Variants in NIBAN2 observed in about 807,000 individuals in gnomAD.
NIBAN2 encodes niban apoptosis regulator 2.
In NIBAN2, 36 loss-of-function variants were observed where a neutral mutation model predicts 81.8. That is an observed-to-expected ratio of 0.44 (90% confidence interval 0.34 to 0.58). NIBAN2 has a LOEUF of 0.58. NIBAN2 is among the 20% of genes least tolerant of loss of function. NIBAN2 has a pLI of 0.02. For missense variants in NIBAN2, 897 were observed against 1,014.1 expected, an observed-to-expected ratio of 0.88 and a Z score of 1.57; for synonymous variants, 445 against 441.6, an observed-to-expected ratio of 1.01 and a Z score of -0.10.
intron 1 of NIBAN2, among the ~76,000 whole-genome samples, chr9:127,546,819 T>C (rs1837479871): frequency 6.6e-6 from 1 of 151,892 alleles, no homozygotes; most frequent in Admixed American, 6.6e-5. Context: ...GGGAGGCAGA[T>C]TGTCAACAAA....
intron 3 of NIBAN2, among the ~76,000 whole-genome samples, chr9:127,526,266 G>A (rs1837060804): frequency 6.6e-6 from 1 of 151,966 alleles, no homozygotes. Context: ...TGGGAATGGT[G>A]GTGCACGCCT....
rs763502481 is a variant in NIBAN2 at position 127,508,216 on chromosome 9, G to A, written c.1435-16C>T. ...AGTCGTATTTCTGCAGGGAACAAGG[G>A]GGTCGGGGGTCTGCAGGTCAGTGGG... On this transcript the variant is annotated splice_polypyrimidine_tract_variant and intron_variant, in intron 11 of 13. Transcript: ENST00000373312. The surrounding 1 kb of genome is among the most constrained non-coding windows in gnomAD (Gnocchi z 6.4). The A allele has an allele frequency of 2.5e-6, 4 of 1,601,052 alleles. No homozygotes were observed. Among genetic ancestry groups the A allele is most frequent in the Non-Finnish European group, 3.4e-6 (4 of 1,169,382 alleles).
chr9:127,520,043 C>G lies in NIBAN2; in HGVS notation c.590-2102G>C, dbSNP rs541742188. 2.1e-3 allele frequency among the ~76,000 whole-genome samples: 317 copies of G among 152,246 alleles called. 3 individuals are homozygous for G. Among genetic ancestry groups the G allele is most frequent in the African/African-American group, 7.3e-3 (302 of 41,558 alleles). On this transcript the variant is annotated intron_variant, in intron 5 of 13. Transcript: ENST00000373312. ...CGGGAGGGAGGCCAGCCAGCCTTGA[C>G]CCTTGGGATTCTCTCTTTCTGCACA...
rs1293761085 is a variant in NIBAN2, at chr9:127,525,077, G to A, written c.402C>T (p.Leu134=). 3 of 1,613,798 alleles carry A rather than the reference G, an allele frequency of 1.9e-6. No individual in the cohort carries two copies. The highest frequency in any genetic ancestry group is 2.7e-5 in the African/African-American group (2 of 74,932). Residue 134 remains leucine, a synonymous_variant, in exon 4 of 14, where the codon CTC becomes CTT. Coordinates refer to ENST00000373312, the MANE Select transcript of NIBAN2 (RefSeq NM_022833.4). ...CTTTACCTGGTAAGGAGTTGCCAAT[G>A]AGCTCCAGGTATTGGTCCACGGACG... ...ILTSVDQYLE[L]IGNSLPGTTA...
chr9:127,507,015 A>C lies in NIBAN2; in HGVS notation c.2071T>G (p.Ser691Ala). The change falls in exon 14 of 14, where the codon TCC (serine) becomes GCC (alanine). Residue 691 changes from serine to alanine, a missense_variant. Physicochemically the swap from Ser to Ala is moderately conservative, Grantham distance 99. Around this residue, in one of 3 missense-constraint regions of NIBAN2, gnomAD observed 619 missense variants for 691.0 expected, o/e 0.90. Transcript: ENST00000373312. The surrounding 1 kb of genome is among the most constrained non-coding windows in gnomAD (Gnocchi z 6.8). ...TGGAGGGGTGAGGCAGGCGGCGAGGAGGCCTCGGGGGCGGCCTTAGGCTGG... is the reference window on the plus strand; with the variant it reads ...TGGAGGGGTGAGGCAGGCGGCGAGGCGGCCTCGGGGGCGGCCTTAGGCTGG... The part of the protein sequence containing the change: ...SPQPKAAPEA[S>A]SPPASPLQHL... 6.3e-7 allele frequency: 1 copy of C among 1,592,934 alleles called. No homozygotes were observed. The highest frequency in any genetic ancestry group is 8.6e-7 in the Non-Finnish European group (1 of 1,168,654).
At chr9:127,542,782 G>A (rs924653693) in intron 1 of NIBAN2, among the ~76,000 whole-genome samples, 7 of 152,252 alleles carry the variant, frequency 4.6e-5, no homozygotes, top group Admixed American at 3.3e-4. Context: ...GAGTGCAGTG[G>A]CACGATCTTG....
At chr9:127,551,905 C>G (rs1837583727) in intron 1 of NIBAN2, among the ~76,000 whole-genome samples, 1 of 152,130 alleles carries the variant, frequency 6.6e-6, no homozygotes, top group East Asian at 1.9e-4. Context: ...CCTCCTGTAT[C>G]CTTTGTGGCT....
At chr9:127,523,169 TA>T (rs1159040869) in intron 5 of NIBAN2, among the ~76,000 whole-genome samples, 63 of 11,322 alleles carry the variant, frequency 5.6e-3, no homozygotes, top group African/African-American at 9.8e-3. Context: ...TTGGTGGTTT[TA>T]AAAAAAAAAA....
chr9:127,573,537 C>T (rs764732467), upstream of NIBAN2, among the ~76,000 whole-genome samples: 15 of 151,412 alleles, frequency 9.9e-5, no homozygotes, highest in Non-Finnish European at 1.5e-4. Context: ...AATTTCTCAA[C>T]TCTAAAATGC....
At position 127,506,677 on chromosome 9, in the gene NIBAN2, T is replaced by C. The variant is rs1836601863; in HGVS notation, c.*168A>G. ...AAACAGGGAGCAAGAAAGTGTTGAC[T>C]GAACCCAATAAAGTGACTCAGGTGG... On this transcript the variant is annotated 3_prime_UTR_variant, in exon 14 of 14. Coordinates refer to ENST00000373312, the MANE Select transcript of NIBAN2 (RefSeq NM_022833.4). 1 of 499,430 alleles carries C rather than the reference T, an allele frequency of 2.0e-6. No homozygotes were observed. The allele number at this position is 499,430 out of a possible 1,614,324, so 30.9% of individuals were successfully genotyped here.
rs151147273 is a variant in NIBAN2 at position 127,568,978 on chromosome 9, C to CCCGCTCCCGCCGCTCCCGCCGCTCCCG, written c.-131_-105dup. 9.0e-7 allele frequency: 1 copy of CCCGCTCCCGCCGCTCCCGCCGCTCCCG among 1,116,568 alleles called. No individual in the cohort carries two copies. The highest frequency in any genetic ancestry group is 1.7e-5 in the African/African-American group (1 of 57,422). 69.2% of individuals were successfully genotyped at this position (1,116,568 alleles called of 1,614,324 possible). On this transcript the variant is annotated 5_prime_UTR_variant, in exon 1 of 14. Coordinates refer to ENST00000373312, the MANE Select transcript of NIBAN2 (RefSeq NM_022833.4). ...ATGGAGCCCGGCCCGCCCTGCTTCC[C>CCCGCTCCCGCCGCTCCCGCCGCTCCCG]CCGCTCCCGCCGCTCCCGCCGCTCC...
chr9:127,514,805 GA>G (rs1304299934), intron 8 of NIBAN2, among the ~76,000 whole-genome samples: 1 of 152,168 alleles, frequency 6.6e-6, no homozygotes, highest in Non-Finnish European at 1.5e-5. Flanking sequence ...TTCCACACAA[GA>G]AATGTCAATG....
At chr9:127,531,991 G>A (rs1403003285) in intron 1 of NIBAN2, among the ~76,000 whole-genome samples, 1 of 152,246 alleles carries the variant, frequency 6.6e-6, no homozygotes, top group Non-Finnish European at 1.5e-5. Context: ...CCTCCAGATG[G>A]GAAAGCGGGT....
chr9:127,509,825 C>T (rs1339044890), intron 9 of NIBAN2: 1 of 118,388 alleles, frequency 8.4e-6, no homozygotes, highest in African/African-American at 3.5e-5. Flanking sequence ...CCCTCCTCTC[C>T]TTCCCTCCTT....
intron 9 of NIBAN2, among the ~76,000 whole-genome samples, chr9:127,509,346 C>T (rs1014075272): frequency 6.6e-6 from 1 of 152,126 alleles, no homozygotes; most frequent in Non-Finnish European, 1.5e-5. Flanking sequence ...AGTCCAGTGG[C>T]ACAGCGCTGT....
At chr9:127,526,499 C>T (rs1837068298) in intron 3 of NIBAN2, among the ~76,000 whole-genome samples, 1 of 152,134 alleles carries the variant, frequency 6.6e-6, no homozygotes, top group Non-Finnish European at 1.5e-5. Flanking sequence ...TTCAGCAAGC[C>T]CTTCAGGTGA....
Position 127,510,220 on chromosome 9 carries a change from C to T in NIBAN2, c.1087G>A (p.Asp363Asn). ...PTSQGFTEVR[D>N]VFFKEVTDMN... is the part of the protein sequence containing the mutation. ...TCCGTGACCTCCTTGAAGAAGACAT[C>T]TCGCACCTCAGTGAAGCCCTGGCTG... is the stretch of plus-strand genomic sequence containing the variant. The change falls in exon 9 of 14, where the codon GAT becomes AAT. Residue 363 changes from aspartate to asparagine, a missense_variant. Around this residue, in one of 3 missense-constraint regions of NIBAN2, gnomAD observed 619 missense variants for 691.0 expected, o/e 0.90. Transcript: ENST00000373312. The T allele has an allele frequency of 6.2e-7, 1 of 1,614,162 alleles. No homozygotes were observed.
chr9:127,507,231 C>T lies in NIBAN2; in HGVS notation c.1855G>A (p.Ala619Thr), dbSNP rs763712715. 14 of 1,611,496 alleles carry T rather than the reference C, an allele frequency of 8.7e-6. No individual in the cohort carries two copies. The highest frequency in any genetic ancestry group is 5.3e-5 in the African/African-American group (4 of 74,832). The change falls in exon 14 of 14, where the codon GCC (alanine) becomes ACC (threonine). Residue 619 changes from alanine (A) to threonine (T), a missense_variant. Physicochemically the swap from Ala to Thr is moderately conservative, Grantham distance 58. This residue lies in a region of NIBAN2 where 619 missense variants were observed against 691.0 expected (regional missense o/e 0.90). Coordinates refer to ENST00000373312, the MANE Select transcript of NIBAN2 (RefSeq NM_022833.4). The surrounding 1 kb of genome is among the most constrained non-coding windows in gnomAD (Gnocchi z 6.8). ...SATLSEKRRRAKQVVSVVQDE... is the reference protein window; with the variant it reads ...SATLSEKRRRTKQVVSVVQDE... ...TGGACCACAGAGACCACCTGCTTGG[C>T]GCGCCGTCGCTTTTCCGAGAGGGTG...
At chr9:127,509,720 G>T (rs1836690577) in intron 9 of NIBAN2, among the ~76,000 whole-genome samples, 1 of 150,738 alleles carries the variant, frequency 6.6e-6, no homozygotes, top group African/African-American at 2.5e-5. Context: ...CGTGACTTGT[G>T]AATTCTTCCT....
Sources: allele counts gnomAD v4.1 joint callset (sites outside exome capture counted in the v4.1 genomes callset), GRCh38; gene constraint gnomAD v4.1.1; regional missense constraint gnomAD v4.1.1; non-coding constraint Gnocchi (gnomAD v3.1); transcripts MANE v1.5; gene names NCBI Gene and HGNC (gene_info 2026-07-23, HGNC 2026-07-21).